The following LOXHD1 variants were observed in gnomAD, a reference collection of about 807,000 sequenced individuals.
LOXHD1 encodes the protein lipoxygenase homology PLAT domains 1, also known as lipoxygenase homology domain-containing protein 1.
Under a neutral mutation model 248.2 loss-of-function variants are expected in LOXHD1, and 205 were observed. The observed-to-expected ratio is 0.83, with a 90% CI of 0.74 to 0.93. LOXHD1 has a LOEUF of 0.93. Ranked by LOEUF, LOXHD1 falls within the 40% of genes least tolerant of loss-of-function variation. The probability of loss-of-function intolerance (pLI) is 0.00; values close to 1 mark genes in which losing one functional copy is unlikely to be tolerated. For synonymous variants in LOXHD1, 1,113 were observed against 1,162.8 expected (o/e 0.96, Z 0.87); for missense variants, 2,930 against 2,971.6 (o/e 0.99, Z 0.33).
intron 18 of LOXHD1, among the ~76,000 whole-genome samples, chr18:46,561,745 G>C (rs1034681348): frequency 1.3e-5 from 2 of 152,210 alleles, no homozygotes; most frequent in African/African-American, 4.8e-5. Context: ...TCATGGTAGA[G>C]CCCAGGGCCC....
chr18:46,558,129 A>C (rs1312260702), intron 20 of LOXHD1: 1 of 933,492 alleles, frequency 1.1e-6, no homozygotes, highest in Non-Finnish European at 1.3e-6. Context: ...AAATCTACAG[A>C]AAACTTTCAG....
intron 37 of LOXHD1, among the ~76,000 whole-genome samples, chr18:46,496,805 C>A (rs1043909431): frequency 6.6e-6 from 1 of 152,124 alleles, no homozygotes; most frequent in Non-Finnish European, 1.5e-5. Context: ...GAGTTTGAGT[C>A]CAGCCTGGCA....
At chr18:46,478,208 A>G (rs1442861386) in intron 40 of LOXHD1, among the ~76,000 whole-genome samples, 1 of 151,802 alleles carries the variant, frequency 6.6e-6, no homozygotes, top group Non-Finnish European at 1.5e-5. Flanking sequence ...TCCATGTCCA[A>G]TCCATAAGCA....
intron 23 of LOXHD1, among the ~76,000 whole-genome samples, 164 bp downstream of exon 23, chr18:46,545,153 A>C (rs2036743261): frequency 1.3e-5 from 2 of 152,158 alleles, no homozygotes; most frequent in Admixed American, 1.3e-4. Context: ...AGAAAAAGAA[A>C]ATTTTTAGAA....
At chr18:46,592,445 C>A (rs1706064565) in intron 11 of LOXHD1, 53 bp downstream of exon 11, 1 of 1,391,878 alleles carries the variant, frequency 7.2e-7, no homozygotes, top group African/African-American at 1.4e-5. Context: ...GAAAAGGGAC[C>A]ATCCTTGTTC....
rs560233976 is a variant in LOXHD1 at position 46,520,991 on chromosome 18, C to G, written c.5271+106G>C. ...CCAGGCTGCAGCGCCTGCGGATGCC[C>G]CAGTGATGAGTCTCCTACTTCTTCC... On this transcript the variant is annotated intron_variant, in intron 33 of 40. Coordinates refer to ENST00000642948, the MANE Select transcript of LOXHD1 (RefSeq NM_001384474.1). The G allele has an allele frequency of 8.1e-5, 108 of 1,337,492 alleles. No individual in the cohort carries two copies. The South Asian group carries it at 1.5e-3, about 18-fold the overall frequency. 82.9% of individuals were successfully genotyped at this position (1,337,492 alleles called of 1,614,324 possible).
intron 36 of LOXHD1, 150 bp downstream of exon 36, chr18:46,507,388 G>C: frequency 2.4e-6 from 2 of 816,838 alleles, no homozygotes; most frequent in Non-Finnish European, 3.8e-6. Context: ...TGTCCAGACA[G>C]AAAGCGACAC....
intron 5 of LOXHD1, among the ~76,000 whole-genome samples, chr18:46,612,674 C>T (rs1043590330): frequency 6.6e-6 from 1 of 151,982 alleles, no homozygotes; most frequent in Admixed American, 6.6e-5. Flanking sequence ...TACAAAATCC[C>T]ATCTCTAAAT....
intron 36 of LOXHD1, 107 bp from the exon 37 acceptor site, chr18:46,506,130 G>T: frequency 8.0e-7 from 1 of 1,250,172 alleles, no homozygotes; most frequent in Non-Finnish European, 1.1e-6. Context: ...GGTACAGGTG[G>T]ACAGAGTACA....
At chr18:46,638,386 C>A (rs1397071403) in intron 4 of LOXHD1, among the ~76,000 whole-genome samples, 1 of 152,192 alleles carries the variant, frequency 6.6e-6, no homozygotes, top group Non-Finnish European at 1.5e-5. Flanking sequence ...AATCCCAGCA[C>A]TTTGGGAGGC....
chr18:46,640,852 A>G (rs2038953860), intron 3 of LOXHD1, among the ~76,000 whole-genome samples: 1 of 152,030 alleles, frequency 6.6e-6, no homozygotes, highest in South Asian at 2.1e-4. Flanking sequence ...CAGTTTCTTG[A>G]CCCCTGGACC....
chr18:46,644,085 T>C lies in LOXHD1; in HGVS notation c.246-2049A>G, dbSNP rs575137204. Among the ~76,000 whole-genome samples, 4 of 152,316 alleles carry C rather than the reference T, an allele frequency of 2.6e-5. No homozygotes were observed. The South Asian group carries it at 6.2e-4, about 24-fold the overall frequency. ...TTTAACTTTCCAAAAGGAACACATA[T>C]TGTTTCTGTAATTATGAAAAAAGCA... On this transcript the variant is annotated intron_variant, in intron 2 of 40. Transcript: ENST00000642948.
chr18:46,600,101 A>G (rs2038311745), intron 8 of LOXHD1, among the ~76,000 whole-genome samples: 1 of 152,230 alleles, frequency 6.6e-6, no homozygotes, highest in Non-Finnish European at 1.5e-5. Context: ...ACACTTCCAC[A>G]AAGATACATG....
At chr18:46,617,155 T>C (rs2038598906) in intron 5 of LOXHD1, among the ~76,000 whole-genome samples, 1 of 152,200 alleles carries the variant, frequency 6.6e-6, no homozygotes, top group Admixed American at 6.5e-5. Context: ...CAAATCACAC[T>C]TGTAGTGTTA....
chr18:46,616,079 A>T (rs1358836506), intron 5 of LOXHD1, among the ~76,000 whole-genome samples: 1 of 152,112 alleles, frequency 6.6e-6, no homozygotes, highest in Admixed American at 6.5e-5. Flanking sequence ...TTTCTGTATC[A>T]TATACTGTAT....
At chr18:46,537,320 A>AG (rs2036354940) in intron 26 of LOXHD1, among the ~76,000 whole-genome samples, 2 of 152,188 alleles carry the variant, frequency 1.3e-5, no homozygotes, top group Admixed American at 1.3e-4. Flanking sequence ...CTCATGCCCC[A>AG]GTTTCCCCAT....
intron 38 of LOXHD1, among the ~76,000 whole-genome samples, chr18:46,487,557 G>A (rs759443865): frequency 6.6e-6 from 1 of 152,212 alleles, no homozygotes; most frequent in Admixed American, 6.5e-5. Flanking sequence ...TACCATGTGG[G>A]TTGGATGGAG....
rs376612706 is a variant in LOXHD1 at position 46,654,764 on chromosome 18, A to T, written c.130+2140T>A. On this transcript the variant is annotated intron_variant, in intron 1 of 40. Coordinates refer to ENST00000642948, the MANE Select transcript of LOXHD1 (RefSeq NM_001384474.1). ...GACAATGACAGTACAGCTGGAGCTC[A>T]GCATGTGACCACCGTTAGCATCATC... Among the ~76,000 whole-genome samples the T allele has an allele frequency of 1.5e-3, 233 of 152,340 alleles. 2 individuals are homozygous for T. The highest frequency in any genetic ancestry group is 5.5e-3 in the African/African-American group (227 of 41,582).
chr18:46,553,475 T>C (rs1390291358), intron 21 of LOXHD1, among the ~76,000 whole-genome samples: 1 of 152,350 alleles, frequency 6.6e-6, no homozygotes, highest in East Asian at 1.9e-4. Flanking sequence ...GAGTCATAAC[T>C]GAGCAGCTAG....
Sources: allele counts gnomAD v4.1 joint callset (sites outside exome capture counted in the v4.1 genomes callset), GRCh38; gene constraint gnomAD v4.1.1; transcripts MANE v1.5; gene names NCBI Gene and HGNC (gene_info 2026-07-23, HGNC 2026-07-21).